The following CSPP1 variants were observed in gnomAD, a reference collection of about 807,000 sequenced individuals.
The protein encoded by CSPP1 is centrosome and spindle pole-associated protein 1.
Under a neutral mutation model 164.4 loss-of-function variants are expected in CSPP1, and 126 were observed. The observed-to-expected ratio is 0.77, with a 90% CI of 0.66 to 0.89. The LOEUF (loss-of-function observed/expected upper bound fraction) is 0.89. Ranked by LOEUF, CSPP1 falls within the 40% of genes least tolerant of loss-of-function variation. The pLI is 0.00. For missense variants in CSPP1, 1,395 were observed against 1,449.8 expected (o/e 0.96, Z 0.61); for synonymous variants, 472 against 476.7 (o/e 0.99, Z 0.13).
intron 10 of CSPP1, among the ~76,000 whole-genome samples, chr8:67,113,397 T>G (rs754369436): frequency 6.6e-6 from 1 of 152,174 alleles, no homozygotes; most frequent in Admixed American, 6.5e-5. Flanking sequence ...TTTAACATCA[T>G]TTTTAAAAAA....
In CSPP1 at chr8:67,195,605, A is replaced by G. The variant is rs764232514; in HGVS notation, c.*12A>G. 70 of 1,610,196 alleles carry G rather than the reference A, an allele frequency of 4.3e-5. No individual in the cohort carries two copies. The highest frequency in any genetic ancestry group is 8.9e-5 in the East Asian group (4 of 44,844). On this transcript the variant is annotated 3_prime_UTR_variant, in exon 31 of 31. Transcript: ENST00000678616. ...CTGCACATGGTTAAAATAAACCTGT[A>G]CTGGACCCAGTAGTGCCTTTTAAGG...
intron 15 of CSPP1, among the ~76,000 whole-genome samples, chr8:67,130,784 TA>T (rs1342891252): frequency 6.6e-6 from 1 of 151,846 alleles, no homozygotes; most frequent in Non-Finnish European, 1.5e-5. Context: ...GGCCAGGAGT[TA>T]GAGACCAGCC....
At chr8:67,192,084 T>C (rs898470843) in intron 29 of CSPP1, among the ~76,000 whole-genome samples, 1 of 151,110 alleles carries the variant, frequency 6.6e-6, no homozygotes, top group Admixed American at 6.6e-5. Context: ...TTTTGTTTTT[T>C]TTTTTTGATA....
At chr8:67,088,642 A>C (rs368552545) in intron 4 of CSPP1, among the ~76,000 whole-genome samples, 11 of 148,788 alleles carry the variant, frequency 7.4e-5, no homozygotes, top group African/African-American at 2.2e-4. Flanking sequence ...GACGCCTGTA[A>C]TCCCAGTACT....
At chr8:67,076,131 C>A (rs1338196632) in intron 2 of CSPP1, among the ~76,000 whole-genome samples, 7 of 151,758 alleles carry the variant, frequency 4.6e-5, no homozygotes, top group Non-Finnish European at 1.0e-4. Context: ...CTACATATCA[C>A]ATAATCTAAT....
At chr8:67,105,861 T>C (rs775605703) in intron 8 of CSPP1, 44 bp from the exon 9 acceptor site, 1 of 1,119,826 alleles carries the variant, frequency 8.9e-7, no homozygotes, top group East Asian at 2.4e-5. Context: ...CTGAAAATTA[T>C]CTGGATTTTA....
chr8:67,115,892 A>T, intron 12 of CSPP1, 22 bp from the exon 13 acceptor site: 1 of 1,594,652 alleles, frequency 6.3e-7, no homozygotes, highest in South Asian at 1.1e-5. Flanking sequence ...TGTAACAAAC[A>T]GATTTTTTTT....
chr8:67,154,940 G>C (rs1285379131), intron 19 of CSPP1, among the ~76,000 whole-genome samples: 2 of 152,134 alleles, frequency 1.3e-5, no homozygotes, highest in Non-Finnish European at 2.9e-5. Context: ...CAAATGATTT[G>C]ATATTATTAC....
intron 1 of CSPP1, among the ~76,000 whole-genome samples, chr8:67,073,486 AAGAGATAT>A (rs1211610358): frequency 2.0e-5 from 3 of 152,184 alleles, no homozygotes. Context: ...AAGAAGGCAA[AAGAGATAT>A]AGCAGTGAAA....
At chr8:67,159,896 CTTTCTTTCTTTCTTT>C (rs1563711699) in intron 21 of CSPP1, among the ~76,000 whole-genome samples, 6 of 67,206 alleles carry the variant, frequency 8.9e-5, no homozygotes, top group East Asian at 4.0e-4. Context: ...TTCTTTCTTT[CTTTCTTTCTTTCTTT>C]CTTTCTTTCT....
chr8:67,140,969 T>G (rs1475191983), intron 17 of CSPP1, among the ~76,000 whole-genome samples: 1 of 152,190 alleles, frequency 6.6e-6, no homozygotes, highest in Admixed American at 6.5e-5. Context: ...CTGGGAAGTT[T>G]AACTTTCTTT....
In CSPP1 at chr8:67,172,556, G is replaced by T. The variant is rs587777142; in HGVS notation, c.2968+1G>T. The T allele has an allele frequency of 6.8e-6, 11 of 1,609,486 alleles. No homozygotes were observed. The highest frequency in any genetic ancestry group is 9.3e-6 in the Non-Finnish European group (11 of 1,177,412). On this transcript the variant is annotated splice_donor_variant, in intron 25 of 30. Coordinates refer to ENST00000678616, the MANE Select transcript of CSPP1 (RefSeq NM_001382391.1). LOFTEE classifies it high-confidence loss of function. Reference sequence around the variant, plus strand: ...GATTTTAATGAGCTGAAAGATAGAGGTGAGTAGATTGCTGCTCTTTTAAAG... The same window carrying T: ...GATTTTAATGAGCTGAAAGATAGAGTTGAGTAGATTGCTGCTCTTTTAAAG...
intron 19 of CSPP1, among the ~76,000 whole-genome samples, chr8:67,156,036 C>G (rs972925147): frequency 7.9e-5 from 12 of 152,106 alleles, no homozygotes; most frequent in Admixed American, 7.9e-4. Flanking sequence ...GTATATTGAC[C>G]ATGACAGCAG....
chr8:67,188,940 G>A (rs1050611606), intron 28 of CSPP1, among the ~76,000 whole-genome samples: 2 of 152,078 alleles, frequency 1.3e-5, no homozygotes, highest in African/African-American at 4.8e-5. Context: ...TGGAATCTGT[G>A]AGGCCAAGAA....
chr8:67,122,524 A>G (rs774689748), intron 15 of CSPP1, among the ~76,000 whole-genome samples: 9 of 152,364 alleles, frequency 5.9e-5, no homozygotes, highest in Non-Finnish European at 1.0e-4. Context: ...TACTTTCCAC[A>G]TAATTGTGAA....
intron 9 of CSPP1, among the ~76,000 whole-genome samples, chr8:67,110,169 T>G (rs1343872368): frequency 8.3e-6 from 1 of 120,468 alleles, no homozygotes; most frequent in Non-Finnish European, 1.6e-5. Context: ...CAGTCTGAGG[T>G]TTTTTTTTTT....
At chr8:67,139,150 GA>G (rs1232191705) in intron 17 of CSPP1, among the ~76,000 whole-genome samples, 2 of 151,856 alleles carry the variant, frequency 1.3e-5, no homozygotes, top group Non-Finnish European at 2.9e-5. Context: ...AAATTTAGAA[GA>G]AAAAAACAAC....
intron 16 of CSPP1, among the ~76,000 whole-genome samples, chr8:67,132,589 G>A (rs1423261795): frequency 2.0e-5 from 3 of 152,176 alleles, no homozygotes; most frequent in African/African-American, 7.2e-5. Flanking sequence ...TTATTTAGTA[G>A]ATAGTCCAGT....
intron 28 of CSPP1, among the ~76,000 whole-genome samples, chr8:67,181,892 T>A (rs1833144220): frequency 6.6e-6 from 1 of 152,232 alleles, no homozygotes; most frequent in Non-Finnish European, 1.5e-5. Context: ...ATTTGACTAC[T>A]CTAGGACCTC....
Sources: gnomAD v4.1 joint callset for allele counts (sites outside exome capture counted in the v4.1 genomes callset) on GRCh38, gnomAD v4.1.1 for gene constraint, MANE v1.5 for transcripts, NCBI Gene and HGNC (gene_info 2026-07-23, HGNC 2026-07-21) for gene names.